Variants in DENND1A observed in about 807,000 individuals in gnomAD.
The protein encoded by DENND1A is DENN domain-containing protein 1A.
DENND1A carries 51 observed loss-of-function variants against 113.7 expected under a neutral mutation model. The observed-to-expected ratio is 0.45, with a 90% CI of 0.36 to 0.57. The LOEUF (loss-of-function observed/expected upper bound fraction) is 0.57. DENND1A is among the 20% of genes least tolerant of loss of function. The probability of loss-of-function intolerance (pLI) is 0.00; values close to 1 mark genes in which losing one functional copy is unlikely to be tolerated. For synonymous variants in DENND1A, 565 were observed against 570.8 expected, an observed-to-expected ratio of 0.99 and a Z score of 0.14; for missense variants, 1,258 against 1,395.9, an observed-to-expected ratio of 0.90 and a Z score of 1.57.
intron 3 of DENND1A, among the ~76,000 whole-genome samples, chr9:123,784,632 T>C (rs931649976): frequency 6.6e-6 from 1 of 152,172 alleles, no homozygotes; most frequent in Non-Finnish European, 1.5e-5. Flanking sequence ...AAAAATTTAG[T>C]GGGGCTTTTT....
chr9:123,738,705 T>C (rs143210905), intron 5 of DENND1A, among the ~76,000 whole-genome samples: 43 of 152,308 alleles, frequency 2.8e-4, no homozygotes, highest in African/African-American at 1.0e-3. Flanking sequence ...TATTGTTTTA[T>C]AGTTAAATGC....
rs141626405 is a variant in DENND1A, at chr9:123,402,005, G to A, written c.1631+1397C>T. The A allele has an allele frequency of 2.5e-5, 39 of 1,533,254 alleles. No homozygotes were observed. In the East Asian group the frequency reaches 6.3e-4, roughly 25 times the overall value. 95.0% of individuals were successfully genotyped at this position (1,533,254 alleles called of 1,614,324 possible). ...TACAGTGTCTAAAAGGTTTAGTCCA[G>A]TTTTAAAGAGGGGACTTCAAAGAAA... is the stretch of plus-strand genomic sequence containing the variant. On this transcript the variant is annotated intron_variant, in intron 21 of 23. Coordinates refer to ENST00000394215, the MANE Select transcript of DENND1A (RefSeq NM_001352964.2).
At chr9:123,798,324 C>T (rs1030545488) in intron 2 of DENND1A, 5 of 152,180 alleles carry the variant, frequency 3.3e-5, no homozygotes, top group Non-Finnish European at 7.4e-5. Context: ...ACATATTCTG[C>T]CATTCAGACA....
intron 1 of DENND1A, among the ~76,000 whole-genome samples, chr9:123,895,214 G>C (rs1286800707): frequency 6.6e-6 from 1 of 152,108 alleles, no homozygotes. Flanking sequence ...GACCATAGCT[G>C]CATGCCACTT....
rs555107674 is a variant in DENND1A, at chr9:123,444,993, C to T, written c.1357-4502G>A. Among the ~76,000 whole-genome samples the T allele has an allele frequency of 6.6e-5, 10 of 152,314 alleles. No homozygotes were observed. The South Asian group carries it at 1.7e-3, about 25-fold the overall frequency. ...CCCCGAGGCTCAGCTCAGAGAGTTA[C>T]GGGGGTCCTGCCAGTTCCCGTCCCT... On this transcript the variant is annotated intron_variant, in intron 18 of 23. Coordinates refer to ENST00000394215, the MANE Select transcript of DENND1A (RefSeq NM_001352964.2).
chr9:123,553,846 C>T (rs1264199667), intron 13 of DENND1A, among the ~76,000 whole-genome samples: 1 of 152,154 alleles, frequency 6.6e-6, no homozygotes, highest in Non-Finnish European at 1.5e-5. Context: ...CAACCTCTGC[C>T]TCCTGGGTTC....
At chr9:123,472,763 C>T (rs539050068) in intron 13 of DENND1A, among the ~76,000 whole-genome samples, 3 of 152,326 alleles carry the variant, frequency 2.0e-5, no homozygotes, top group South Asian at 2.1e-4. Context: ...CCCCGCCCAC[C>T]GCGGCTCCTC....
intron 21 of DENND1A, among the ~76,000 whole-genome samples, chr9:123,390,744 G>A (rs145684003): frequency 2.0e-5 from 3 of 152,228 alleles, no homozygotes; most frequent in Admixed American, 6.5e-5. Flanking sequence ...CCACCCCCAG[G>A]GGCCTCACCC....
chr9:123,583,433 C>A (rs1014412318), intron 11 of DENND1A, among the ~76,000 whole-genome samples, 163 bp from the exon 12 acceptor site: 1 of 152,210 alleles, frequency 6.6e-6, no homozygotes, highest in Non-Finnish European at 1.5e-5. Context: ...TGTTAGCTCA[C>A]TGAACTCTCA....
intron 5 of DENND1A, among the ~76,000 whole-genome samples, chr9:123,694,923 T>C (rs548775264): frequency 6.6e-6 from 1 of 152,298 alleles, no homozygotes; most frequent in Admixed American, 6.5e-5. Flanking sequence ...GAGATTAACA[T>C]TTGAATCAGT....
At chr9:123,640,850 G>A (rs1423707451) in intron 9 of DENND1A, among the ~76,000 whole-genome samples, 1 of 152,184 alleles carries the variant, frequency 6.6e-6, no homozygotes, top group East Asian at 1.9e-4. Flanking sequence ...AGTGGCACAT[G>A]GTGGATTAAG....
At chr9:123,917,471 T>A (rs747648879) in intron 1 of DENND1A, among the ~76,000 whole-genome samples, 1 of 152,126 alleles carries the variant, frequency 6.6e-6, no homozygotes, top group Non-Finnish European at 1.5e-5. Flanking sequence ...ATCAAGACTT[T>A]GATATAGGTA....
chr9:123,385,065 T>G (rs2042486372), intron 22 of DENND1A, among the ~76,000 whole-genome samples: 1 of 152,248 alleles, frequency 6.6e-6, no homozygotes, highest in Non-Finnish European at 1.5e-5. Flanking sequence ...TCCCTTCCCA[T>G]GGACCTGAGT....
chr9:123,607,093 A>G lies in DENND1A; in HGVS notation c.765+2343T>C, dbSNP rs145901213. On this transcript the variant is annotated intron_variant, in intron 11 of 23. Coordinates refer to ENST00000394215, the MANE Select transcript of DENND1A (RefSeq NM_001352964.2). ...GGGGAGGCTGGAAGGCTCCTCCTCA[A>G]GTATTATGTAGCCCATGGTTATCAA... is the stretch of plus-strand genomic sequence containing the variant. Among the ~76,000 whole-genome samples the G allele has an allele frequency of 2.5e-3, 385 of 152,240 alleles. 1 individual carries two copies. Among genetic ancestry groups the G allele is most frequent in the African/African-American group, 8.9e-3 (368 of 41,540 alleles).
At chr9:123,726,716 T>C (rs2067736249) in intron 5 of DENND1A, among the ~76,000 whole-genome samples, 1 of 152,128 alleles carries the variant, frequency 6.6e-6, no homozygotes, top group Non-Finnish European at 1.5e-5. Flanking sequence ...GAAGAAAAGA[T>C]CTTAAATATG....
intron 13 of DENND1A, among the ~76,000 whole-genome samples, chr9:123,551,046 T>C (rs2057013521): frequency 6.6e-6 from 1 of 152,188 alleles, no homozygotes. Flanking sequence ...CCGCTTGACA[T>C]GGATAAAGGG....
At chr9:123,895,035 C>G (rs916345446) in intron 1 of DENND1A, among the ~76,000 whole-genome samples, 3 of 150,432 alleles carry the variant, frequency 2.0e-5, no homozygotes, top group Non-Finnish European at 4.4e-5. Context: ...GATTGAAACT[C>G]AGAAACACTG....
Position 123,381,765 on chromosome 9 carries a change from C to T in DENND1A, c.2880G>A (p.Met960Ile). 2.0e-6 allele frequency: 3 copies of T among 1,509,026 alleles called. No individual in the cohort carries two copies. The highest frequency in any genetic ancestry group is 2.7e-6 in the Non-Finnish European group (3 of 1,129,494). The allele number at this position is 1,509,026 out of a possible 1,614,324, so 93.5% of individuals were successfully genotyped here. Reference sequence around the variant, plus strand: ...GGGGGCTCGTGTGGGTGCCCATGGGCATCTGGCCAAAGAGGTTGGGCATGG... The same window carrying T: ...GGGGGCTCGTGTGGGTGCCCATGGGTATCTGGCCAAAGAGGTTGGGCATGG... ...ALSMPNLFGQMPMGTHTSPLQ... is the reference protein window; with the variant it reads ...ALSMPNLFGQIPMGTHTSPLQ... Residue 960 changes from methionine to isoleucine, a missense_variant, in exon 24 of 24, where the codon ATG becomes ATA. Met to Ile is a conservative substitution (Grantham distance 10). Transcript: ENST00000394215. The surrounding 1 kb of genome is among the most constrained non-coding windows in gnomAD (Gnocchi z 4.7).
At chr9:123,903,075 G>C (rs1207797121) in intron 1 of DENND1A, among the ~76,000 whole-genome samples, 2 of 152,036 alleles carry the variant, frequency 1.3e-5, no homozygotes, top group African/African-American at 4.8e-5. Context: ...GCTCACACCT[G>C]TAATCCCAGC....
Sources: allele counts gnomAD v4.1 joint callset (sites outside exome capture counted in the v4.1 genomes callset), GRCh38; gene constraint gnomAD v4.1.1; non-coding constraint Gnocchi (gnomAD v3.1); transcripts MANE v1.5; gene names NCBI Gene and HGNC (gene_info 2026-07-23, HGNC 2026-07-21).